HEATR5B: variants seen among roughly 807,000 people sequenced by gnomAD.
HEATR5B encodes the protein HEAT repeat-containing protein 5B.
Under a neutral mutation model 224.1 loss-of-function variants are expected in HEATR5B, and 156 were observed. The observed-to-expected ratio is 0.70, with a 90% confidence interval of 0.61 to 0.80. The LOEUF (loss-of-function observed/expected upper bound fraction) is 0.80. HEATR5B is among the 30% of genes least tolerant of loss of function. The pLI, the probability that HEATR5B is intolerant of heterozygous loss-of-function variation, is 0.00. For missense variants in HEATR5B, 2,323 were observed against 2,535.5 expected (o/e 0.92, Z 1.80); for synonymous variants, 1,027 against 893.0 (o/e 1.15, Z -2.68).
rs1464622569 is a variant in HEATR5B, at chr2:37,061,926, A to T, written c.1696+13T>A. The T allele has an allele frequency of 1.3e-6, 2 of 1,544,780 alleles. No individual in the cohort carries two copies. The highest frequency in any genetic ancestry group is 1.1e-5 in the South Asian group (1 of 89,242). On this transcript the variant is annotated intron_variant, in intron 11 of 35. Transcript: ENST00000233099. ...TATAGCGTGACAAAAATCCTACTCA[A>T]ATATAATTATACCTAAAGTCATAAG...
intron 17 of HEATR5B, among the ~76,000 whole-genome samples, chr2:37,053,169 C>G (rs1387882625): frequency 6.6e-6 from 1 of 152,186 alleles, no homozygotes; most frequent in African/African-American, 2.4e-5. Context: ...TGGCCTAAAC[C>G]ACAGATCAAG....
chr2:36,987,519 A>G (rs1178973695), intron 35 of HEATR5B, among the ~76,000 whole-genome samples: 1 of 152,210 alleles, frequency 6.6e-6, no homozygotes, highest in Non-Finnish European at 1.5e-5. Flanking sequence ...TCTGTCTACA[A>G]TTAAAAATCA....
chr2:37,012,548 G>A (rs1667851745), intron 27 of HEATR5B, among the ~76,000 whole-genome samples: 1 of 152,088 alleles, frequency 6.6e-6, no homozygotes, highest in Non-Finnish European at 1.5e-5. Flanking sequence ...GCACCACCAT[G>A]CCAGGGTAAT....
chr2:37,004,227 C>A (rs1667270516), intron 30 of HEATR5B, among the ~76,000 whole-genome samples: 1 of 152,002 alleles, frequency 6.6e-6, no homozygotes, highest in Non-Finnish European at 1.5e-5. Context: ...CCAAAGCCAC[C>A]TTTACCTCTT....
At chr2:37,020,579 C>T (rs374381662) in intron 25 of HEATR5B, 76 bp downstream of exon 25, 6 of 1,063,048 alleles carry the variant, frequency 5.6e-6, no homozygotes, top group Non-Finnish European at 4.0e-6. Context: ...AAATGCAGTC[C>T]TCCAGGAAGT....
intron 17 of HEATR5B, 88 bp downstream of exon 17, chr2:37,053,414 A>C: frequency 1.6e-6 from 1 of 620,558 alleles, no homozygotes; most frequent in Non-Finnish European, 2.7e-6. Flanking sequence ...ATTTACATAT[A>C]AACATTATAA....
intron 30 of HEATR5B, 52 bp downstream of exon 30, chr2:37,005,580 G>A: frequency 1.3e-6 from 2 of 1,544,574 alleles, no homozygotes; most frequent in Non-Finnish European, 1.8e-6. Context: ...CCATTGTAAA[G>A]CAATACTCAA....
chr2:37,077,077 T>C (rs1207200109), intron 3 of HEATR5B, 58 bp from the exon 4 acceptor site: 1 of 1,386,778 alleles, frequency 7.2e-7, no homozygotes, highest in East Asian at 2.3e-5. Context: ...AATTATACTT[T>C]TCTCATTTTT....
chr2:36,999,262 C>G (rs1253209778), intron 33 of HEATR5B, among the ~76,000 whole-genome samples: 1 of 152,030 alleles, frequency 6.6e-6, no homozygotes, highest in African/African-American at 2.4e-5. Flanking sequence ...ATAATATCAA[C>G]ATGTAGTTCC....
chr2:37,034,514 G>T (rs1004561413), intron 21 of HEATR5B, among the ~76,000 whole-genome samples: 2 of 142,502 alleles, frequency 1.4e-5, no homozygotes, highest in African/African-American at 5.1e-5. Context: ...TTGGGAGGCT[G>T]AGGCAGGAGA....
In HEATR5B at chr2:37,032,636, A is replaced by G; in HGVS notation, c.3354T>C (p.Ser1118=). ...ACCAATAATATAACTTACTGGCACT[A>G]CTGCTCTCTTTGTCCCCTGTATTTT... ...LAKNTGDKES[S]SANVSPFAPG... is the part of the protein sequence containing the mutation. The change falls in exon 22 of 36, where the codon AGT becomes AGC. Residue 1118 remains serine (S), a synonymous_variant. Coordinates refer to ENST00000233099, the MANE Select transcript of HEATR5B (RefSeq NM_019024.3). 1 of 1,612,416 alleles carries G rather than the reference A, an allele frequency of 6.2e-7. No individual in the cohort carries two copies. The highest frequency in any genetic ancestry group is 1.3e-5 in the African/African-American group (1 of 74,990).
chr2:36,983,471 G>A (rs750704896), intron 35 of HEATR5B, among the ~76,000 whole-genome samples: 11 of 151,568 alleles, frequency 7.3e-5, no homozygotes, highest in African/African-American at 9.7e-5. Context: ...TCTGGAAGGC[G>A]GAGGTTGTGG....
intron 2 of HEATR5B, among the ~76,000 whole-genome samples, chr2:37,082,145 T>C (rs1672619873): frequency 1.4e-5 from 2 of 138,134 alleles, no homozygotes; most frequent in Non-Finnish European, 3.1e-5. Context: ...TCTCGGCTCC[T>C]TGCAACCTCT....
chr2:37,041,850 T>C (rs574665305), intron 18 of HEATR5B, among the ~76,000 whole-genome samples: 245 of 151,774 alleles, frequency 1.6e-3, no homozygotes, highest in African/African-American at 5.5e-3. Flanking sequence ...TCATTTTTAA[T>C]ATTAATTATT....
At chr2:36,994,933 G>A (rs2148349187) in intron 33 of HEATR5B, among the ~76,000 whole-genome samples, 1 of 151,728 alleles carries the variant, frequency 6.6e-6, no homozygotes, top group Middle Eastern at 3.4e-3. Context: ...TGTATTTTTA[G>A]TAGAGACGGG....
chr2:37,047,638 T>G (rs936323910), intron 18 of HEATR5B, among the ~76,000 whole-genome samples: 2 of 152,216 alleles, frequency 1.3e-5, no homozygotes, highest in Non-Finnish European at 1.5e-5. Flanking sequence ...CCTATTAACC[T>G]AGAATGGTTT....
intron 18 of HEATR5B, among the ~76,000 whole-genome samples, chr2:37,043,858 T>C (rs1670025095): frequency 3.9e-5 from 6 of 152,242 alleles, no homozygotes; most frequent in Admixed American, 3.9e-4. Flanking sequence ...GCCACATATG[T>C]AATTTAAAAT....
In HEATR5B at chr2:37,049,747, A is replaced by G; in HGVS notation, c.2602T>C (p.Leu868=). 1 of 1,612,876 alleles carries G rather than the reference A, an allele frequency of 6.2e-7. No individual in the cohort carries two copies. The highest frequency in any genetic ancestry group is 8.5e-7 in the Non-Finnish European group (1 of 1,179,678). Residue 868 remains leucine, a synonymous_variant, in exon 18 of 36, where the codon TTA becomes CTA. Coordinates refer to ENST00000233099, the MANE Select transcript of HEATR5B (RefSeq NM_019024.3). ...MGPLDNPNPI[L]RCAAGEALGR... ...AGAGCTTCCCCCGCTGCACAACGTA[A>G]GATGGGGTTTGGGTTGTCCAGAGGA...
chr2:36,987,529 A>T (rs1218089943), intron 35 of HEATR5B, among the ~76,000 whole-genome samples: 1 of 152,218 alleles, frequency 6.6e-6, no homozygotes, highest in Admixed American at 6.5e-5. Context: ...ATTAAAAATC[A>T]TATTTTGAAG....
Sources: allele counts gnomAD v4.1 joint callset (sites outside exome capture counted in the v4.1 genomes callset), GRCh38; gene constraint gnomAD v4.1.1; transcripts MANE v1.5; gene names NCBI Gene and HGNC (gene_info 2026-07-23, HGNC 2026-07-21).